Variants in TMEM135 observed in about 807,000 individuals in gnomAD.
The protein encoded by TMEM135 is transmembrane protein 135.
In TMEM135, 30 loss-of-function variants were observed where a neutral mutation model predicts 60.3. The observed-to-expected ratio is 0.50, with a 90% CI of 0.37 to 0.68. The LOEUF (loss-of-function observed/expected upper bound fraction) is 0.68. Among genes scored for constraint, TMEM135 ranks in the 30% least tolerant of loss-of-function variants. TMEM135 has a pLI of 0.00. For synonymous variants in TMEM135, 190 were observed against 186.7 expected, an observed-to-expected ratio of 1.02 and a Z score of -0.14; for missense variants, 468 against 548.8, an observed-to-expected ratio of 0.85 and a Z score of 1.47.
intron 5 of TMEM135, among the ~76,000 whole-genome samples, chr11:87,229,227 A>C (rs1940834210): frequency 6.6e-6 from 1 of 152,076 alleles, no homozygotes; most frequent in South Asian, 2.1e-4. Flanking sequence ...TTTTCATATA[A>C]ATATATTCAG....
intron 5 of TMEM135, among the ~76,000 whole-genome samples, chr11:87,203,640 A>G (rs1193231667): frequency 6.6e-6 from 1 of 152,176 alleles, no homozygotes; most frequent in Non-Finnish European, 1.5e-5. Flanking sequence ...CTAAGTTTTG[A>G]CAATTAGGAA....
chr11:87,256,148 T>C (rs146543435), intron 6 of TMEM135, among the ~76,000 whole-genome samples: 15 of 151,526 alleles, frequency 9.9e-5, no homozygotes, highest in African/African-American at 3.7e-4. Context: ...TATAAACTTA[T>C]TTGAATTTAC....
At chr11:87,239,085 T>G (rs1941071531) in intron 6 of TMEM135, among the ~76,000 whole-genome samples, 1 of 152,026 alleles carries the variant, frequency 6.6e-6, no homozygotes, top group Non-Finnish European at 1.5e-5. Context: ...GTATTTTTGG[T>G]GTAGAAAGAA....
intron 4 of TMEM135, among the ~76,000 whole-genome samples, chr11:87,091,682 A>G (rs571392773): frequency 2.6e-5 from 4 of 152,090 alleles, no homozygotes; most frequent in African/African-American, 7.2e-5. Context: ...GTATGTGTAT[A>G]TATCTGTCTC....
intron 1 of TMEM135, among the ~76,000 whole-genome samples, chr11:87,054,019 G>T (rs1414208437): frequency 1.3e-5 from 2 of 152,144 alleles, no homozygotes; most frequent in African/African-American, 4.8e-5. Context: ...AAGTTAGTAT[G>T]GTGAATTGTT....
intron 4 of TMEM135, among the ~76,000 whole-genome samples, chr11:87,124,442 C>A (rs1446369613): frequency 6.6e-6 from 1 of 152,140 alleles, no homozygotes; most frequent in Non-Finnish European, 1.5e-5. Context: ...TGTGCTGGAT[C>A]AAACTACCTT....
At chr11:87,072,925 A>G (rs1856798153) in intron 3 of TMEM135, among the ~76,000 whole-genome samples, 1 of 152,226 alleles carries the variant, frequency 6.6e-6, no homozygotes, top group Non-Finnish European at 1.5e-5. Context: ...AGGATCATGT[A>G]CTGAAACCAC....
chr11:87,301,375 T>A (rs1174564199), intron 7 of TMEM135, among the ~76,000 whole-genome samples: 1 of 152,084 alleles, frequency 6.6e-6, no homozygotes, highest in African/African-American at 2.4e-5. Context: ...CACGTCAGCC[T>A]CCCAAGTAGC....
intron 5 of TMEM135, among the ~76,000 whole-genome samples, chr11:87,177,715 A>G (rs1939415499): frequency 1.3e-5 from 2 of 152,108 alleles, no homozygotes; most frequent in South Asian, 2.1e-4. Flanking sequence ...ATTGTAATAC[A>G]GTTCTGACAC....
intron 4 of TMEM135, among the ~76,000 whole-genome samples, chr11:87,131,494 C>T (rs1157677644): frequency 6.6e-6 from 1 of 151,914 alleles, no homozygotes; most frequent in African/African-American, 2.4e-5. Flanking sequence ...TGTGCCTGGC[C>T]CACAGTTAAC....
At chr11:87,067,945 G>A in intron 2 of TMEM135, 124 bp downstream of exon 2, 1 of 1,217,646 alleles carries the variant, frequency 8.2e-7, no homozygotes, top group East Asian at 2.5e-5. Context: ...AATCTGTGAA[G>A]TGACATTTAT....
intron 1 of TMEM135, among the ~76,000 whole-genome samples, chr11:87,060,809 A>AT (rs1333696884): frequency 6.6e-6 from 1 of 151,658 alleles, no homozygotes; most frequent in Non-Finnish European, 1.5e-5. Context: ...CGCCTGGCTA[A>AT]TTTTTTGTAT....
intron 1 of TMEM135, among the ~76,000 whole-genome samples, chr11:87,062,256 G>A (rs1434459756): frequency 2.6e-5 from 4 of 151,802 alleles, no homozygotes; most frequent in Middle Eastern, 3.2e-3. Context: ...CGCCCACCTC[G>A]GCCTCCCATA....
intron 14 of TMEM135, 53 bp downstream of exon 14, chr11:87,319,430 G>C (rs1046407014): frequency 1.5e-6 from 2 of 1,295,628 alleles, no homozygotes; most frequent in East Asian, 4.6e-5. Context: ...TTATCTTTTT[G>C]AGGGAATATT....
At chr11:87,231,477 T>C (rs1346874002) in intron 5 of TMEM135, among the ~76,000 whole-genome samples, 1 of 152,192 alleles carries the variant, frequency 6.6e-6, no homozygotes, top group African/African-American at 2.4e-5. Context: ...TAAAATATCT[T>C]AAAAGCAAGT....
chr11:87,169,526 G>C (rs546234762), intron 5 of TMEM135, among the ~76,000 whole-genome samples: 1 of 152,042 alleles, frequency 6.6e-6, no homozygotes. Flanking sequence ...GCATTTGCTT[G>C]TCTGTAAAGG....
At position 87,309,657 on chromosome 11, in the gene TMEM135, T is replaced by C. The variant is rs760514248; in HGVS notation, c.921T>C (p.Phe307=). The part of the protein sequence containing the change: ...NFQLGAFLGS[F]VSIYKGTSCF... ...AGCTTGGAGCTTTTCTTGGCTCTTT[T>C]GTTAGTATATACAAGGTAAGGCTTT... Residue 307 remains phenylalanine, a synonymous_variant, in exon 10 of 15, where the codon TTT becomes TTC. Coordinates refer to ENST00000305494, the MANE Select transcript of TMEM135 (RefSeq NM_022918.4). 1.9e-6 allele frequency: 3 copies of C among 1,613,374 alleles called. No individual in the cohort carries two copies. The highest frequency in any genetic ancestry group is 1.3e-5 in the African/African-American group (1 of 74,914).
chr11:87,192,719 GT>G (rs1203437469), intron 5 of TMEM135, among the ~76,000 whole-genome samples: 5 of 152,126 alleles, frequency 3.3e-5, no homozygotes, highest in African/African-American at 9.7e-5. Context: ...ATCTATTACT[GT>G]TTATAAAGGC....
intron 6 of TMEM135, among the ~76,000 whole-genome samples, chr11:87,283,073 G>C (rs7928759): frequency 0.37 from 55,662 of 151,970 alleles, 10,863 homozygotes; most frequent in Non-Finnish European, 0.43. Context: ...TGCAGTGGCT[G>C]CCTGTAATCC....
Sources: gnomAD v4.1 joint callset for allele counts (sites outside exome capture counted in the v4.1 genomes callset) on GRCh38, gnomAD v4.1.1 for gene constraint, MANE v1.5 for transcripts, NCBI Gene and HGNC (gene_info 2026-07-23, HGNC 2026-07-21) for gene names.